The following LRCH3 variants were observed in gnomAD, a reference collection of about 807,000 sequenced individuals.
LRCH3 encodes the protein DISP complex protein LRCH3.
In LRCH3, 68 loss-of-function variants were observed where a neutral mutation model predicts 104.5. That is an observed-to-expected ratio of 0.65 (90% CI 0.54 to 0.80). The LOEUF (loss-of-function observed/expected upper bound fraction) is 0.80, where lower values mean the gene tolerates loss of function less well. Ranked by LOEUF, LRCH3 falls within the 30% of genes least tolerant of loss-of-function variation. The pLI is 0.00. For synonymous variants in LRCH3, 344 were observed against 361.3 expected (o/e 0.95, Z 0.54); for missense variants, 951 against 953.9 (o/e 1.00, Z 0.04).
chr3:197,833,548 C>G (rs543666213), intron 8 of LRCH3, among the ~76,000 whole-genome samples: 1 of 151,694 alleles, frequency 6.6e-6, no homozygotes, highest in African/African-American at 2.4e-5. Flanking sequence ...GAAAAAAAAT[C>G]AGAAATGTGG....
intron 20 of LRCH3, chr3:197,882,570 T>C (rs913561280): frequency 2.1e-6 from 2 of 952,966 alleles, no homozygotes; most frequent in South Asian, 4.9e-5. Context: ...AACAAACATA[T>C]ATAATCTTTT....
chr3:197,880,049 C>G (rs535000391), intron 20 of LRCH3, among the ~76,000 whole-genome samples: 9,359 of 148,898 alleles, frequency 0.063, 1,059 homozygotes, highest in African/African-American at 0.22. Flanking sequence ...GGGTTCCCGC[C>G]ATTCTCCTGC....
chr3:197,799,004 C>T (rs1251844406), intron 1 of LRCH3, among the ~76,000 whole-genome samples: 5 of 152,106 alleles, frequency 3.3e-5, no homozygotes, highest in African/African-American at 1.2e-4. Flanking sequence ...TTAGACAGTA[C>T]GTTAGACTCC....
intron 8 of LRCH3, among the ~76,000 whole-genome samples, chr3:197,833,791 T>C (rs1049647879): frequency 6.6e-6 from 1 of 152,180 alleles, no homozygotes. Context: ...ATGGCTTGTG[T>C]TATTTTTCTC....
At chr3:197,858,753 T>C in intron 14 of LRCH3, 81 bp from the exon 15 acceptor site, 1 of 1,113,064 alleles carries the variant, frequency 9.0e-7, no homozygotes, top group South Asian at 1.2e-5. Context: ...TTTTCTCATT[T>C]CACTAGTCAG....
intron 20 of LRCH3, chr3:197,880,400 G>A (rs1713644355): frequency 1.9e-5 from 15 of 795,780 alleles, no homozygotes; most frequent in South Asian, 3.2e-5. Flanking sequence ...GTTACAGGAT[G>A]TGTATATGTG....
At chr3:197,792,603 AT>A (rs1390855912) in intron 1 of LRCH3, among the ~76,000 whole-genome samples, 1 of 83,936 alleles carries the variant, frequency 1.2e-5, no homozygotes, top group African/African-American at 3.9e-5. Flanking sequence ...ATATATATAT[AT>A]AAAATATACA....
intron 9 of LRCH3, among the ~76,000 whole-genome samples, 197 bp from the exon 10 acceptor site, chr3:197,839,124 G>A (rs1430717299): frequency 6.6e-6 from 1 of 152,074 alleles, no homozygotes; most frequent in Non-Finnish European, 1.5e-5. Flanking sequence ...AAATGTTTGT[G>A]GATTGTGAAT....
rs575343612 is a variant in LRCH3, at chr3:197,879,518, C to T, written c.2208+3743C>T. ...AAAATTAGCCGGGCGTGGTGGCGGG[C>T]GCCTGTAGTCCCAGCTGCTCGGGAG... On this transcript the variant is annotated intron_variant, in intron 20 of 20. Coordinates refer to ENST00000425562, the MANE Select transcript of LRCH3 (RefSeq NM_001365715.1). 9.4e-4 allele frequency among the ~76,000 whole-genome samples: 142 copies of T among 151,470 alleles called. 2 individuals carry two copies. Among genetic ancestry groups the T allele is most frequent in the South Asian group, 5.0e-3 (24 of 4,802 alleles).
chr3:197,863,248 T>A (rs1045270065), intron 15 of LRCH3, among the ~76,000 whole-genome samples: 6 of 152,074 alleles, frequency 3.9e-5, no homozygotes, highest in African/African-American at 1.4e-4. Flanking sequence ...ATTAATGTTA[T>A]TCTAGCTTTT....
intron 15 of LRCH3, 84 bp from the exon 16 acceptor site, chr3:197,865,339 C>A: frequency 9.7e-7 from 1 of 1,025,774 alleles, no homozygotes; most frequent in Non-Finnish European, 1.4e-6. Context: ...TGTTTTTTGT[C>A]TTTTATAATT....
At position 197,883,219 on chromosome 3, in the gene LRCH3, T is replaced by C; in HGVS notation, c.2209-322T>C. 9.7e-7 allele frequency: 1 copy of C among 1,035,624 alleles called. No homozygotes were observed. Among genetic ancestry groups the C allele is most frequent in the South Asian group, 3.7e-5 (1 of 27,168 alleles). The allele number at this position is 1,035,624 out of a possible 1,614,324, so 64.2% of individuals were successfully genotyped here. ...ATTTTATAGACCTGTATTGACCTTT[T>C]ATTCATCAGGGATAAAGGATGTTGC... On this transcript the variant is annotated intron_variant, in intron 20 of 20. Coordinates refer to ENST00000425562, the MANE Select transcript of LRCH3 (RefSeq NM_001365715.1). This position sits in a 1 kb window ranked among gnomAD's most constrained non-coding sequence, Gnocchi z 4.2.
intron 10 of LRCH3, among the ~76,000 whole-genome samples, chr3:197,843,937 G>T (rs1738209024): frequency 6.6e-6 from 1 of 152,176 alleles, no homozygotes; most frequent in Non-Finnish European, 1.5e-5. Flanking sequence ...ACAAATATAT[G>T]TAACAAGCAT....
chr3:197,837,010 CT>C (rs1051319286), intron 9 of LRCH3, among the ~76,000 whole-genome samples: 3 of 152,004 alleles, frequency 2.0e-5, no homozygotes, highest in African/African-American at 7.2e-5. Context: ...AAAAAAGGGC[CT>C]TGGTTTTTCC....
In LRCH3 at chr3:197,791,306, G is replaced by A. The variant is rs1730457508; in HGVS notation, c.28G>A (p.Ala10Thr). MAAAGLVAV[A>T]AAAEYSGTVA... ...GGCGGCCGCGGGCTTGGTCGCTGTG[G>A]CAGCGGCTGCCGAGTACTCTGGCAC... Residue 10 changes from alanine to threonine, a missense_variant, in exon 1 of 21, where the codon GCA becomes ACA. By Grantham distance (58) the Ala-to-Thr change is moderately conservative. Transcript: ENST00000425562. 2.5e-6 allele frequency: 4 copies of A among 1,608,902 alleles called. No homozygotes were observed. Among genetic ancestry groups the A allele is most frequent in the African/African-American group, 2.7e-5 (2 of 74,766 alleles).
chr3:197,858,717 T>C, intron 14 of LRCH3, 117 bp from the exon 15 acceptor site: 1 of 855,068 alleles, frequency 1.2e-6, no homozygotes, highest in South Asian at 1.4e-5. Flanking sequence ...TAGTAAACCA[T>C]TTGAAAGATC....
At chr3:197,852,202 T>TG (rs1739701922) in intron 12 of LRCH3, 1 of 201,268 alleles carries the variant, frequency 5.0e-6, no homozygotes, top group Non-Finnish European at 1.0e-5. Context: ...ATGTGTCAGA[T>TG]ATGAGGTGGA....
chr3:197,863,603 A>G (rs2109478902), intron 15 of LRCH3, among the ~76,000 whole-genome samples: 1 of 152,296 alleles, frequency 6.6e-6, no homozygotes, highest in Non-Finnish European at 1.5e-5. Context: ...AGTCTTCAGC[A>G]GCTTTAACCT....
At position 197,798,106 on chromosome 3, in the gene LRCH3, C is replaced by A. The variant is rs765060574; in HGVS notation, c.262+6566C>A. On this transcript the variant is annotated intron_variant, in intron 1 of 20. Coordinates refer to ENST00000425562, the MANE Select transcript of LRCH3 (RefSeq NM_001365715.1). ...GCAAACCTCGTCTCTTAAAAAAATA[C>A]AAAAATTAGACAGTTGTGGTGGAAT... 8.6e-5 allele frequency among the ~76,000 whole-genome samples: 13 copies of A among 151,948 alleles called. No individual in the cohort carries two copies. In the East Asian group the frequency reaches 9.7e-4, roughly 11 times the overall value.
Sources: gnomAD v4.1 joint callset for allele counts (sites outside exome capture counted in the v4.1 genomes callset) on GRCh38, gnomAD v4.1.1 for gene constraint, Gnocchi (gnomAD v3.1) non-coding constraint, MANE v1.5 for transcripts, NCBI Gene and HGNC (gene_info 2026-07-23, HGNC 2026-07-21) for gene names.